The following ZNF385C variants were observed in gnomAD, a reference collection of about 807,000 sequenced individuals.
The protein encoded by ZNF385C is CTD-2132N18.2.
Under a neutral mutation model 35.4 loss-of-function variants are expected in ZNF385C, and 28 were observed. The ratio of observed to expected loss-of-function variants is 0.79; its 90% CI spans 0.59 to 1.08. The LOEUF is 1.08. Among genes scored for constraint, ZNF385C ranks in the 50% least tolerant of loss-of-function variants. The probability of loss-of-function intolerance (pLI) is 0.00; values close to 1 mark genes in which losing one functional copy is unlikely to be tolerated. For synonymous variants in ZNF385C, 248 were observed against 248.2 expected (o/e 1.00, Z 0.01); for missense variants, 605 against 595.6 (o/e 1.02, Z -0.16).
intron 2 of ZNF385C, among the ~76,000 whole-genome samples, chr17:42,059,708 G>A (rs2053433419): frequency 6.6e-6 from 1 of 152,120 alleles, no homozygotes; most frequent in Admixed American, 6.5e-5. Flanking sequence ...TGCAACCTCC[G>A]CCTCCTGTGT....
intron 1 of ZNF385C, among the ~76,000 whole-genome samples, 190 bp downstream of exon 1, chr17:42,098,220 G>T (rs2053936899): frequency 6.6e-6 from 1 of 152,214 alleles, no homozygotes; most frequent in South Asian, 2.1e-4. Flanking sequence ...CCCTCTAACT[G>T]CCCCAGAGTT....
intron 2 of ZNF385C, among the ~76,000 whole-genome samples, chr17:42,060,782 C>A (rs2053448447): frequency 6.6e-6 from 1 of 152,146 alleles, no homozygotes; most frequent in African/African-American, 2.4e-5. Flanking sequence ...ATGGTGTGAT[C>A]TCAGCTCACT....
chr17:42,065,569 A>C (rs1555658399), intron 1 of ZNF385C, among the ~76,000 whole-genome samples: 1 of 152,212 alleles, frequency 6.6e-6, no homozygotes, highest in Non-Finnish European at 1.5e-5. Flanking sequence ...ATTCTCAGTA[A>C]GCTGCTTGTC....
intron 2 of ZNF385C, among the ~76,000 whole-genome samples, chr17:42,055,643 C>T (rs1349789729): frequency 6.6e-6 from 1 of 152,158 alleles, no homozygotes; most frequent in African/African-American, 2.4e-5. Context: ...AACGGCAACC[C>T]AGGGAGATAC....
intron 2 of ZNF385C, among the ~76,000 whole-genome samples, chr17:42,045,498 GATATT>G (rs1555656561): frequency 6.6e-6 from 1 of 152,256 alleles, no homozygotes; most frequent in African/African-American, 2.4e-5. Flanking sequence ...CTGTGGCTGA[GATATT>G]ATCCTTTTGG....
intron 1 of ZNF385C, among the ~76,000 whole-genome samples, chr17:42,070,520 G>A (rs1371279476): frequency 1.3e-5 from 2 of 152,130 alleles, no homozygotes; most frequent in African/African-American, 2.4e-5. Flanking sequence ...GCACCTGGTG[G>A]CAAGCGCCTG....
chr17:42,051,953 A>G (rs2053290277), intron 2 of ZNF385C, among the ~76,000 whole-genome samples: 1 of 152,182 alleles, frequency 6.6e-6, no homozygotes, highest in South Asian at 2.1e-4. Context: ...TCCTGGCTAC[A>G]CTCAAATGAA....
At chr17:42,040,659 C>T in intron 2 of ZNF385C, 1 of 1,232,320 alleles carries the variant, frequency 8.1e-7, no homozygotes, top group Non-Finnish European at 1.0e-6. Flanking sequence ...CCACTACAGG[C>T]AGCAGGGAGG....
rs561043687 is a variant in ZNF385C at position 42,044,918 on chromosome 17, C to CA, written c.251-7034_251-7033insT. On this transcript the variant is annotated intron_variant, in intron 2 of 8. Transcript: ENST00000692273. ...ATTGGCCAAAACCTGCCAACTCTAC[C>CA]TTTTTTTTTTTTTTTTTGAGACAGA... Among the ~76,000 whole-genome samples, 1,419 of 132,598 alleles carry CA rather than the reference C, an allele frequency of 0.011. 111 individuals are homozygous for CA. The East Asian group carries it at 0.2, about 19-fold the overall frequency. The allele number at this position is 132,598 out of a possible 152,430, so 87.0% of individuals were successfully genotyped here.
chr17:42,039,398 C>G (rs558955058), intron 2 of ZNF385C: 1 of 296,002 alleles, frequency 3.4e-6, no homozygotes, highest in Admixed American at 5.1e-5. Context: ...AAACTTGCCC[C>G]GAGTCCAGAA....
chr17:42,061,375 C>G (rs2053459848), intron 2 of ZNF385C: 1 of 151,712 alleles, frequency 6.6e-6, no homozygotes, highest in Non-Finnish European at 1.5e-5. Flanking sequence ...TGTGTGCCAC[C>G]ATACCTGGCT....
Position 42,095,383 on chromosome 17 carries a change from T to C in ZNF385C, c.-3+3027A>G, listed in dbSNP as rs1215971241. Among the ~76,000 whole-genome samples the C allele has an allele frequency of 2.0e-5, 3 of 152,178 alleles. No individual in the cohort carries two copies. The highest frequency in any genetic ancestry group is 2.0e-4 in the Admixed American group (3 of 15,278). On this transcript the variant is annotated intron_variant, in intron 1 of 8. Transcript: ENST00000692273. The surrounding 1 kb of genome is among the most constrained non-coding windows in gnomAD (Gnocchi z 4.4). ...CTCCAAACTCATGGGAGAACCCACA[T>C]GATAGACACATGGGCCCTCCCGGGT...
Position 42,026,938 on chromosome 17 carries a change from C to G in ZNF385C, c.1471G>C (p.Val491Leu), listed in dbSNP as rs1567982220. Residue 491 changes from valine to leucine, a missense_variant, in exon 9 of 9, where the codon GTC becomes CTC. Val to Leu is a conservative substitution (Grantham distance 32). Transcript: ENST00000692273. ...PALFRTPAGA[V>L]RPATGPIVLA... ...ACGATAGGTCCTGTGGCAGGGCGGA[C>G]AGCTCCTGCTGGGGTGCGAAACAGA... The G allele has an allele frequency of 6.2e-7, 1 of 1,608,518 alleles. No homozygotes were observed. The highest frequency in any genetic ancestry group is 1.3e-5 in the African/African-American group (1 of 74,940).
chr17:42,086,716 A>AG (rs1233998797), intron 1 of ZNF385C, among the ~76,000 whole-genome samples: 1 of 151,716 alleles, frequency 6.6e-6, no homozygotes, highest in Non-Finnish European at 1.5e-5. Flanking sequence ...AAAAAAAAAA[A>AG]AAAATCCAAT....
chr17:42,057,227 T>C (rs2053389838), intron 2 of ZNF385C, among the ~76,000 whole-genome samples: 1 of 152,050 alleles, frequency 6.6e-6, no homozygotes, highest in Admixed American at 6.6e-5. Flanking sequence ...TGAGCCCCAC[T>C]CTCCCAGTTT....
intron 1 of ZNF385C, among the ~76,000 whole-genome samples, chr17:42,098,164 T>C (rs1309576855): frequency 6.6e-6 from 1 of 152,228 alleles, no homozygotes; most frequent in African/African-American, 2.4e-5. Context: ...GCTCTTTCTT[T>C]TCCATCCTTT....
chr17:42,042,971 A>G (rs1417242298), intron 2 of ZNF385C: 1 of 1,232,502 alleles, frequency 8.1e-7, no homozygotes, highest in East Asian at 3.2e-5. Flanking sequence ...GCCATGCAGT[A>G]CACAGTAGTC....
At position 42,034,350 on chromosome 17, in the gene ZNF385C, G is replaced by A; in HGVS notation, c.400-15C>T. On this transcript the variant is annotated splice_polypyrimidine_tract_variant and intron_variant, in intron 3 of 8. Transcript: ENST00000692273. Reference sequence around the variant, plus strand: ...ACCGGGTCCATCTGTGAAGGGAGTGGGAGGGCATAATAACTCTGGGGTTGG... The same window carrying A: ...ACCGGGTCCATCTGTGAAGGGAGTGAGAGGGCATAATAACTCTGGGGTTGG... 1.3e-6 allele frequency: 2 copies of A among 1,545,352 alleles called. No homozygotes were observed. The highest frequency in any genetic ancestry group is 1.8e-6 in the Non-Finnish European group (2 of 1,142,596).
intron 1 of ZNF385C, among the ~76,000 whole-genome samples, chr17:42,064,073 T>TACACACACACAC (rs55771386): frequency 0.018 from 2,333 of 129,760 alleles, 79 homozygotes; most frequent in Admixed American, 0.028. Flanking sequence ...CACACGCACA[T>TACACACACACAC]ACACACACAC....
Sources: allele counts gnomAD v4.1 joint callset (sites outside exome capture counted in the v4.1 genomes callset), GRCh38; gene constraint gnomAD v4.1.1; non-coding constraint Gnocchi (gnomAD v3.1); transcripts MANE v1.5; gene names NCBI Gene and HGNC (gene_info 2026-07-23, HGNC 2026-07-21).